The following KCNMA1 variants were observed in gnomAD, a reference collection of about 807,000 sequenced individuals.
KCNMA1 encodes Calcium-activated potassium channel subunit alpha-1.
In KCNMA1, 29 loss-of-function variants were observed where a neutral mutation model predicts 140.0. That is an observed-to-expected ratio of 0.21 (90% confidence interval 0.15 to 0.28). KCNMA1 has a LOEUF of 0.28. Ranked by LOEUF, KCNMA1 falls within the 10% of genes least tolerant of loss-of-function variation. The probability of loss-of-function intolerance (pLI) is 1.00; values close to 1 mark genes in which losing one functional copy is unlikely to be tolerated. For missense variants in KCNMA1, 880 were observed against 1,602.2 expected (o/e 0.55, Z 7.70); for synonymous variants, 612 against 611.9 (o/e 1.00, Z 0.00).
intron 1 of KCNMA1, among the ~76,000 whole-genome samples, chr10:77,489,783 C>T (rs2098509979): frequency 1.3e-5 from 2 of 152,248 alleles, no homozygotes; most frequent in South Asian, 4.1e-4. Flanking sequence ...GCCTCATTCA[C>T]ATGGGTGAGG....
At chr10:77,093,404 C>G (rs192552645) in intron 9 of KCNMA1, among the ~76,000 whole-genome samples, 2 of 152,296 alleles carry the variant, frequency 1.3e-5, no homozygotes, top group South Asian at 2.1e-4. Context: ...TGGCCTCCCC[C>G]TTTTGTGCCA....
At chr10:77,299,087 G>A (rs760317342) in intron 2 of KCNMA1, among the ~76,000 whole-genome samples, 1 of 152,192 alleles carries the variant, frequency 6.6e-6, no homozygotes, top group Non-Finnish European at 1.5e-5. Context: ...GAGCTAGGGG[G>A]CTTTCTTAAA....
chr10:77,205,122 G>A lies in KCNMA1; in HGVS notation c.603-20206C>T, dbSNP rs558355973. 2.6e-5 allele frequency among the ~76,000 whole-genome samples: 4 copies of A among 152,278 alleles called. No homozygotes were observed. The East Asian group carries it at 7.7e-4, about 29-fold the overall frequency. ...TCTGCTGCAAACCTGCTGTCTCAGG[G>A]TAATGGGTCTGTTACTATGCAGTGG... On this transcript the variant is annotated intron_variant, in intron 3 of 27. Coordinates refer to ENST00000286628, the MANE Select transcript of KCNMA1 (RefSeq NM_001161352.2).
At chr10:77,636,764 G>A (rs1029150215) in intron 1 of KCNMA1, 3 of 1,462,770 alleles carry the variant, frequency 2.1e-6, no homozygotes, top group Non-Finnish European at 2.7e-6. Flanking sequence ...CTTGCCCAAA[G>A]GATTTTTCCC....
At chr10:77,016,120 G>A (rs1362200433) in intron 17 of KCNMA1, among the ~76,000 whole-genome samples, 2 of 151,860 alleles carry the variant, frequency 1.3e-5, no homozygotes, top group African/African-American at 4.8e-5. Context: ...CTATTCCCTA[G>A]CCGCACTTTC....
chr10:77,276,776 A>G (rs192298750), intron 2 of KCNMA1, among the ~76,000 whole-genome samples: 1 of 152,134 alleles, frequency 6.6e-6, no homozygotes, highest in South Asian at 2.1e-4. Context: ...TACATAACCT[A>G]TCATATTATA....
At position 77,131,458 on chromosome 10, in the gene KCNMA1, A is replaced by G. The variant is rs78675740; in HGVS notation, c.809-10410T>C. On this transcript the variant is annotated intron_variant, in intron 5 of 27. Transcript: ENST00000286628. ...GATGAATCACACAGGCGTAACACTG[A>G]GAGAACAAGGCCTGACACAGAGTCA... is the stretch of plus-strand genomic sequence containing the variant. Among the ~76,000 whole-genome samples, 48 of 152,236 alleles carry G rather than the reference A, an allele frequency of 3.2e-4. No homozygotes were observed. In the East Asian group the frequency reaches 8.9e-3, roughly 28 times the overall value.
At chr10:77,637,221 C>T (rs1388520751) in intron 1 of KCNMA1, 44 bp downstream of exon 1, 1 of 1,527,662 alleles carries the variant, frequency 6.5e-7, no homozygotes, top group Admixed American at 1.9e-5. Flanking sequence ...CGCCGAGAAG[C>T]GGTGGGGCTG....
chr10:77,184,805 A>T lies in KCNMA1; in HGVS notation c.696+18T>A, dbSNP rs2098835300. The T allele has an allele frequency of 1.3e-6, 2 of 1,495,042 alleles. No individual in the cohort carries two copies. The highest frequency in any genetic ancestry group is 1.4e-5 in the African/African-American group (1 of 71,960). 92.6% of individuals were successfully genotyped at this position (1,495,042 alleles called of 1,614,324 possible). On this transcript the variant is annotated intron_variant, in intron 4 of 27. Transcript: ENST00000286628. ...GAAACACCCCATTGTGATACTGAAC[A>T]ATGTTGCACAAACTTACCCGCAAGC... is the stretch of plus-strand genomic sequence containing the variant.
intron 2 of KCNMA1, among the ~76,000 whole-genome samples, chr10:77,349,864 G>A (rs1027322445): frequency 6.6e-6 from 1 of 152,120 alleles, no homozygotes; most frequent in South Asian, 2.1e-4. Flanking sequence ...AACTTCCAGT[G>A]AGTCTTATGT....
intron 23 of KCNMA1, among the ~76,000 whole-genome samples, chr10:76,925,961 C>T (rs570616485): frequency 4.6e-5 from 7 of 152,214 alleles, no homozygotes; most frequent in Admixed American, 6.5e-5. Context: ...AGAGACAAGA[C>T]GCCTGGCCCA....
At chr10:77,137,329 G>C (rs371481478) in intron 5 of KCNMA1, among the ~76,000 whole-genome samples, 1 of 152,126 alleles carries the variant, frequency 6.6e-6, no homozygotes, top group African/African-American at 2.4e-5. Context: ...AAGCTGAAAG[G>C]TTCCAATAAA....
chr10:77,214,787 A>G (rs2047177232), intron 3 of KCNMA1, among the ~76,000 whole-genome samples: 1 of 152,032 alleles, frequency 6.6e-6, no homozygotes, highest in Non-Finnish European at 1.5e-5. Context: ...GGCTTCTGCC[A>G]TCTCCTTGCC....
At chr10:76,979,442 A>G (rs2078724333) in intron 19 of KCNMA1, 1 of 151,864 alleles carries the variant, frequency 6.6e-6, no homozygotes, top group Non-Finnish European at 1.5e-5. Flanking sequence ...TTATTTGCTT[A>G]CATATTTTGA....
intron 15 of KCNMA1, among the ~76,000 whole-genome samples, chr10:77,031,500 T>C (rs1276409843): frequency 6.6e-6 from 1 of 152,228 alleles, no homozygotes; most frequent in Non-Finnish European, 1.5e-5. Context: ...CCTACTATAA[T>C]AGGTATCCTC....
rs877211 is a variant in KCNMA1, at chr10:77,276,015, C to A, written c.541-24759G>T. Reference sequence around the variant, plus strand: ...TGAACCTTCCTCAAACGGTGTCCCCCCTTCCTTGCCCTTGCCCCACCTCTC... The same window carrying A: ...TGAACCTTCCTCAAACGGTGTCCCCACTTCCTTGCCCTTGCCCCACCTCTC... On this transcript the variant is annotated intron_variant, in intron 2 of 27. Transcript: ENST00000286628. Among the ~76,000 whole-genome samples, 403 of 152,314 alleles carry A rather than the reference C, an allele frequency of 2.6e-3. 2 individuals carry two copies. The highest frequency in any genetic ancestry group is 9.1e-3 in the African/African-American group (380 of 41,572).
intron 1 of KCNMA1, among the ~76,000 whole-genome samples, chr10:77,615,878 G>C (rs1208281664): frequency 1.3e-5 from 2 of 152,196 alleles, no homozygotes; most frequent in Non-Finnish European, 2.9e-5. Context: ...TGACAAAGGA[G>C]AGGGATCTAA....
In KCNMA1 at chr10:76,914,981, G is replaced by C; in HGVS notation, c.2971C>G (p.Pro991Ala). Residue 991 changes from proline to alanine, a missense_variant, in exon 24 of 28, where the codon CCA becomes GCA. Physicochemically the swap from Pro to Ala is conservative, Grantham distance 27 (BLOSUM62 -1). This residue lies in a region of KCNMA1 where 44 missense variants were observed against 58.2 expected (regional missense o/e 0.76). Transcript: ENST00000286628. ...NSPVHGMLRQPSITTGVNIPI... is the reference protein window; with the variant it reads ...NSPVHGMLRQASITTGVNIPI... ...ATGTTGACCCCAGTTGTGATGGATG[G>C]TTGACGTAACATCCCGTGCACTGGG... is the stretch of plus-strand genomic sequence containing the variant. The C allele has an allele frequency of 6.2e-7, 1 of 1,613,788 alleles. No individual in the cohort carries two copies. Among genetic ancestry groups the C allele is most frequent in the Non-Finnish European group, 8.5e-7 (1 of 1,179,736 alleles).
chr10:77,394,072 G>A (rs150371946), intron 2 of KCNMA1, among the ~76,000 whole-genome samples: 2 of 152,340 alleles, frequency 1.3e-5, no homozygotes, highest in Admixed American at 1.3e-4. Flanking sequence ...ACAGACAATG[G>A]GATGGAAGGC....
Sources: allele counts gnomAD v4.1 joint callset (sites outside exome capture counted in the v4.1 genomes callset), GRCh38; gene constraint gnomAD v4.1.1; regional missense constraint gnomAD v4.1.1; transcripts MANE v1.5; gene names NCBI Gene and HGNC (gene_info 2026-07-23, HGNC 2026-07-21).